The following SLC12A8 variants were observed in gnomAD, a reference collection of about 807,000 sequenced individuals.
The protein encoded by SLC12A8 is cation-chloride cotransporter 9.
SLC12A8 carries 69 observed loss-of-function variants against 75.6 expected under a neutral mutation model. That is an observed-to-expected ratio of 0.91 (90% CI 0.75 to 1.11). The LOEUF is 1.11. SLC12A8 is among the 50% of genes most tolerant of loss of function. The pLI is 0.00. For missense variants in SLC12A8, 877 were observed against 896.7 expected, an observed-to-expected ratio of 0.98 and a Z score of 0.28; for synonymous variants, 365 against 372.8, an observed-to-expected ratio of 0.98 and a Z score of 0.24.
At chr3:125,159,775 A>G (rs1451188448) in intron 5 of SLC12A8, among the ~76,000 whole-genome samples, 1 of 152,212 alleles carries the variant, frequency 6.6e-6, no homozygotes, top group Non-Finnish European at 1.5e-5. Context: ...CGCTCTCCCA[A>G]GCACTCCCTC....
intron 5 of SLC12A8, among the ~76,000 whole-genome samples, chr3:125,158,167 A>G (rs1934090167): frequency 6.6e-6 from 1 of 151,744 alleles, no homozygotes. Flanking sequence ...TAAGTAGGCC[A>G]TTTCTCTGCT....
chr3:125,170,198 T>TCA (rs1934378807), intron 5 of SLC12A8, among the ~76,000 whole-genome samples: 4 of 152,356 alleles, frequency 2.6e-5, no homozygotes, highest in African/African-American at 9.6e-5. Context: ...TAGTGATCGT[T>TCA]CAGAATGCAA....
intron 2 of SLC12A8, among the ~76,000 whole-genome samples, chr3:125,197,988 C>A (rs1935037715): frequency 6.6e-6 from 1 of 152,122 alleles, no homozygotes; most frequent in African/African-American, 2.4e-5. Context: ...GGGGATTAAC[C>A]TAGTGGACAC....
rs1293217036 is a variant in SLC12A8 at position 125,107,650 on chromosome 3, A to C, written c.1536T>G (p.Pro512=). 6.2e-7 allele frequency: 1 copy of C among 1,613,982 alleles called. No individual in the cohort carries two copies. The highest frequency in any genetic ancestry group is 1.3e-5 in the African/African-American group (1 of 74,890). ...QDSFLLDLKS[P]PSFPVEISDR... ...CAGAGATCTCGACAGGGAAAGAAGG[A>C]GGGGATTTGAGGTCCAAGAGGAAGC... Residue 512 remains proline, a synonymous_variant, in exon 10 of 14, where the codon CCT becomes CCG. Coordinates refer to ENST00000469902, the MANE Select transcript of SLC12A8 (RefSeq NM_024628.6).
chr3:125,128,220 G>A (rs1358146333), intron 6 of SLC12A8, among the ~76,000 whole-genome samples: 3 of 112,494 alleles, frequency 2.7e-5, no homozygotes, highest in African/African-American at 6.4e-5. Flanking sequence ...TCGCTCTGTC[G>A]CCCAGGCTGG....
chr3:125,126,485 G>A (rs901160362), intron 6 of SLC12A8, among the ~76,000 whole-genome samples: 1 of 152,176 alleles, frequency 6.6e-6, no homozygotes, highest in African/African-American at 2.4e-5. Flanking sequence ...TTGCAAGTGG[G>A]TAGGTCATCT....
At chr3:125,162,652 C>T (rs1030608674) in intron 5 of SLC12A8, among the ~76,000 whole-genome samples, 2 of 152,170 alleles carry the variant, frequency 1.3e-5, no homozygotes, top group Admixed American at 6.6e-5. Context: ...GCCTATGTTG[C>T]GCTTGGACCT....
chr3:125,148,619 T>C (rs1269264362), intron 5 of SLC12A8, among the ~76,000 whole-genome samples: 4 of 152,104 alleles, frequency 2.6e-5, no homozygotes, highest in African/African-American at 9.7e-5. Flanking sequence ...CAGCTCCACC[T>C]CTGGGTTCAC....
At chr3:125,126,826 T>C (rs771626453) in intron 6 of SLC12A8, among the ~76,000 whole-genome samples, 3 of 152,244 alleles carry the variant, frequency 2.0e-5, no homozygotes, top group African/African-American at 4.8e-5. Flanking sequence ...GTTCATAACT[T>C]TATTTTTCTT....
chr3:125,131,361 C>A (rs899070397), intron 6 of SLC12A8, among the ~76,000 whole-genome samples: 6 of 152,116 alleles, frequency 3.9e-5, no homozygotes, highest in African/African-American at 1.4e-4. Flanking sequence ...CATAAAAATA[C>A]AAATGCAGAA....
rs1219419833 is a variant in SLC12A8 at position 125,211,382 on chromosome 3, C to G, written c.-33G>C. 1 of 1,590,578 alleles carries G rather than the reference C, an allele frequency of 6.3e-7. No homozygotes were observed. The highest frequency in any genetic ancestry group is 8.6e-7 in the Non-Finnish European group (1 of 1,158,990). On this transcript the variant is annotated 5_prime_UTR_variant, in exon 2 of 14. Coordinates refer to ENST00000469902, the MANE Select transcript of SLC12A8 (RefSeq NM_024628.6). ...CAAGCAGGGATCCTGGTGATCTGGA[C>G]AGGGAGACTGCTCTGGAAGGTAACA...
chr3:125,136,999 T>C (rs2107761825), intron 5 of SLC12A8, among the ~76,000 whole-genome samples: 1 of 152,312 alleles, frequency 6.6e-6, no homozygotes, highest in Admixed American at 6.5e-5. Context: ...CCCTGCTCCT[T>C]TTCCCTCAAC....
chr3:125,102,528 G>A (rs964999743), intron 10 of SLC12A8, among the ~76,000 whole-genome samples: 3 of 152,172 alleles, frequency 2.0e-5, no homozygotes, highest in African/African-American at 4.8e-5. Context: ...GCAGCATGAA[G>A]GAGAAATGGG....
At chr3:125,176,431 T>C (rs932091310) in intron 5 of SLC12A8, among the ~76,000 whole-genome samples, 1 of 152,064 alleles carries the variant, frequency 6.6e-6, no homozygotes, top group African/African-American at 2.4e-5. Flanking sequence ...ACTTCATGTC[T>C]AAAACACCAA....
At chr3:125,173,437 T>C (rs1367252456) in intron 5 of SLC12A8, among the ~76,000 whole-genome samples, 2 of 131,786 alleles carry the variant, frequency 1.5e-5, no homozygotes, top group East Asian at 4.4e-4. Context: ...CTGGAACAAC[T>C]TGATATTCAT....
At chr3:125,200,559 T>A (rs1420227704) in intron 2 of SLC12A8, among the ~76,000 whole-genome samples, 6 of 152,230 alleles carry the variant, frequency 3.9e-5, no homozygotes, top group Non-Finnish European at 8.8e-5. Context: ...TGACCTGGCA[T>A]TAGGGATACC....
chr3:125,189,571 C>T (rs553135444), intron 3 of SLC12A8, among the ~76,000 whole-genome samples: 18 of 152,166 alleles, frequency 1.2e-4, no homozygotes, highest in Admixed American at 4.6e-4. Flanking sequence ...GCTCATAGGG[C>T]GGGGCGGGGA....
At chr3:125,133,481 TC>T (rs1162890905) in intron 6 of SLC12A8, among the ~76,000 whole-genome samples, 1 of 151,930 alleles carries the variant, frequency 6.6e-6, no homozygotes, top group Non-Finnish European at 1.5e-5. Flanking sequence ...CAAGCAGTCC[TC>T]CTGTCACCCA....
intron 5 of SLC12A8, among the ~76,000 whole-genome samples, chr3:125,170,264 C>T (rs543897313): frequency 1.3e-5 from 2 of 152,134 alleles, no homozygotes; most frequent in African/African-American, 2.4e-5. Flanking sequence ...AAGTGTTTGA[C>T]CTTTGTCCTG....
Sources: allele counts gnomAD v4.1 joint callset (sites outside exome capture counted in the v4.1 genomes callset), GRCh38; gene constraint gnomAD v4.1.1; transcripts MANE v1.5; gene names NCBI Gene and HGNC (gene_info 2026-07-23, HGNC 2026-07-21).